GAS7: variants seen among roughly 807,000 people sequenced by gnomAD.
GAS7 encodes growth arrest specific 7.
Under a neutral mutation model 71.1 loss-of-function variants are expected in GAS7, and 28 were observed. The observed-to-expected ratio is 0.39, with a 90% CI of 0.29 to 0.54. The LOEUF is 0.54. Among genes scored for constraint, GAS7 ranks in the 20% least tolerant of loss-of-function variants. The probability of loss-of-function intolerance (pLI) is 0.62; values close to 1 mark genes in which losing one functional copy is unlikely to be tolerated. For missense variants in GAS7, 436 were observed against 627.8 expected (o/e 0.69, Z 3.27); for synonymous variants, 258 against 245.8 (o/e 1.05, Z -0.46).
chr17:10,022,896 T>C (rs1163541836), intron 1 of GAS7, among the ~76,000 whole-genome samples: 3 of 152,152 alleles, frequency 2.0e-5, no homozygotes, highest in Non-Finnish European at 4.4e-5. Flanking sequence ...AGCTGGCCAG[T>C]GCGTTCTGGT....
intron 1 of GAS7, among the ~76,000 whole-genome samples, chr17:10,057,392 G>A (rs559325257): frequency 1.7e-4 from 25 of 151,442 alleles, no homozygotes; most frequent in Non-Finnish European, 3.1e-4. Context: ...TGTGGGGAGC[G>A]CCTCTGCCCT....
At chr17:9,983,931 C>G (rs991269903) in intron 2 of GAS7, among the ~76,000 whole-genome samples, 1 of 152,208 alleles carries the variant, frequency 6.6e-6, no homozygotes, top group African/African-American at 2.4e-5. Flanking sequence ...AGCTCTGCCT[C>G]TCACCACCAC....
chr17:9,982,981 T>C (rs574037080), intron 2 of GAS7, among the ~76,000 whole-genome samples: 1 of 152,330 alleles, frequency 6.6e-6, no homozygotes, highest in South Asian at 2.1e-4. Flanking sequence ...TGAAGTTATC[T>C]AGTGATAAAA....
chr17:10,008,412 C>T (rs1398630221), intron 2 of GAS7, among the ~76,000 whole-genome samples: 1 of 152,216 alleles, frequency 6.6e-6, no homozygotes, highest in Non-Finnish European at 1.5e-5. Context: ...AGTAAACAGT[C>T]TTGCAAAGTA....
At chr17:10,091,787 T>G (rs1025070179) in intron 1 of GAS7, among the ~76,000 whole-genome samples, 9 of 152,054 alleles carry the variant, frequency 5.9e-5, no homozygotes, top group African/African-American at 1.9e-4. Context: ...ACTCAAGTGA[T>G]CCTCCCACTT....
intron 1 of GAS7, among the ~76,000 whole-genome samples, chr17:10,160,939 TACAC>T (rs61578754): frequency 0.011 from 1,549 of 139,648 alleles, 20 homozygotes; most frequent in African/African-American, 0.032. Flanking sequence ...ATTGAAACCA[TACAC>T]ACACACACAC....
At chr17:10,120,123 C>T (rs900685597) in intron 1 of GAS7, among the ~76,000 whole-genome samples, 2 of 132,656 alleles carry the variant, frequency 1.5e-5, no homozygotes, top group East Asian at 2.6e-4. Flanking sequence ...CCGTGACAAT[C>T]CCCCCCCAGC....
At chr17:9,989,418 A>G (rs1446233436) in intron 2 of GAS7, among the ~76,000 whole-genome samples, 1 of 152,216 alleles carries the variant, frequency 6.6e-6, no homozygotes, top group East Asian at 1.9e-4. Context: ...TGCAGGAAAT[A>G]TAAGTGGTTA....
intron 1 of GAS7, among the ~76,000 whole-genome samples, chr17:10,041,890 C>A (rs987608001): frequency 5.9e-5 from 9 of 152,156 alleles, no homozygotes; most frequent in Non-Finnish European, 1.3e-4. Context: ...TCAGATAAGA[C>A]CAACCCTCTT....
intron 1 of GAS7, among the ~76,000 whole-genome samples, chr17:10,138,530 C>T (rs1437232204): frequency 3.3e-5 from 5 of 151,942 alleles, no homozygotes; most frequent in Admixed American, 1.3e-4. Flanking sequence ...TTTGGGAAGC[C>T]GAGGTGGGCA....
chr17:9,948,256 T>C (rs1291612100), intron 5 of GAS7, among the ~76,000 whole-genome samples: 1 of 152,240 alleles, frequency 6.6e-6, no homozygotes, highest in Non-Finnish European at 1.5e-5. Flanking sequence ...TATTTGCATA[T>C]AGAATATTCC....
chr17:10,029,960 G>A (rs1026768525), intron 1 of GAS7, among the ~76,000 whole-genome samples: 1 of 152,106 alleles, frequency 6.6e-6, no homozygotes, highest in African/African-American at 2.4e-5. Flanking sequence ...GAAACAAAAC[G>A]CTGACCTTCC....
chr17:9,967,580 A>C (rs1252731619), intron 4 of GAS7, among the ~76,000 whole-genome samples: 1 of 151,994 alleles, frequency 6.6e-6, no homozygotes, highest in Non-Finnish European at 1.5e-5. Flanking sequence ...CCTTCTGCCA[A>C]ATAAGACTGA....
chr17:10,060,672 A>G (rs145120850), intron 1 of GAS7, among the ~76,000 whole-genome samples: 1 of 152,338 alleles, frequency 6.6e-6, no homozygotes, highest in African/African-American at 2.4e-5. Context: ...GACTGAAATT[A>G]AAAAGAATGA....
intron 1 of GAS7, among the ~76,000 whole-genome samples, chr17:10,170,309 G>A (rs969335125): frequency 3.3e-5 from 5 of 151,846 alleles, no homozygotes; most frequent in Non-Finnish European, 5.9e-5. Context: ...CTCGTGCTTT[G>A]GCCCCACCCA....
At chr17:10,116,885 G>C (rs1350505342) in intron 1 of GAS7, among the ~76,000 whole-genome samples, 1 of 151,954 alleles carries the variant, frequency 6.6e-6, no homozygotes, top group Non-Finnish European at 1.5e-5. Context: ...GGTGATAAAT[G>C]ATGAGGGGGG....
chr17:9,982,631 G>C (rs1221947186), intron 2 of GAS7, among the ~76,000 whole-genome samples: 1 of 151,942 alleles, frequency 6.6e-6, no homozygotes. Flanking sequence ...ACAAAAATTA[G>C]CCAGGCGTGG....
At chr17:9,942,102 A>T (rs2068622677) in intron 7 of GAS7, among the ~76,000 whole-genome samples, 1 of 151,896 alleles carries the variant, frequency 6.6e-6, no homozygotes, top group Non-Finnish European at 1.5e-5. Flanking sequence ...AAAATACAAA[A>T]CATTAGCTGG....
chr17:10,036,687 C>T (rs929494412), intron 1 of GAS7: 26 of 1,297,046 alleles, frequency 2.0e-5, no homozygotes, highest in African/African-American at 9.1e-5. Flanking sequence ...CTTCCAAATC[C>T]GCTCCAGTGC....
Sources: allele counts gnomAD v4.1 joint callset (sites outside exome capture counted in the v4.1 genomes callset), GRCh38; gene constraint gnomAD v4.1.1; transcripts MANE v1.5; gene names NCBI Gene and HGNC (gene_info 2026-07-23, HGNC 2026-07-21).